FRMD4B: variants seen among roughly 807,000 people sequenced by gnomAD.
The protein encoded by FRMD4B is FERM domain-containing protein 4B.
FRMD4B carries 74 observed loss-of-function variants against 141.5 expected under a neutral mutation model. The ratio of observed to expected loss-of-function variants is 0.52; its 90% CI spans 0.43 to 0.63. The LOEUF (loss-of-function observed/expected upper bound fraction) is 0.63, where lower values mean the gene tolerates loss of function less well. FRMD4B is among the 30% of genes least tolerant of loss of function. The pLI is 0.00. For synonymous variants in FRMD4B, 506 were observed against 467.9 expected (o/e 1.08, Z -1.05); for missense variants, 1,366 against 1,253.4 (o/e 1.09, Z -1.36).
chr3:69,488,059 CAAAAGAAAGAAAG>C (rs925798613), intron 1 of FRMD4B, among the ~76,000 whole-genome samples: 6 of 117,530 alleles, frequency 5.1e-5, no homozygotes, highest in Admixed American at 8.3e-5. Context: ...AAAGAAAGAA[CAAAAGAAAGAAAG>C]AAAAGAAAGA....
chr3:69,425,972 A>C (rs921535212), intron 2 of FRMD4B, among the ~76,000 whole-genome samples: 2 of 152,246 alleles, frequency 1.3e-5, no homozygotes, highest in African/African-American at 4.8e-5. Context: ...AATTAGTTTC[A>C]AAGTCTACCA....
intron 2 of FRMD4B, among the ~76,000 whole-genome samples, chr3:69,397,270 A>G (rs11928996): frequency 0.036 from 5,478 of 152,300 alleles, 336 homozygotes; most frequent in African/African-American, 0.12. Context: ...AAAAGGCCAC[A>G]TATCCACAGA....
intron 1 of FRMD4B, among the ~76,000 whole-genome samples, chr3:69,326,315 T>C (rs1702190413): frequency 6.6e-6 from 1 of 152,128 alleles, no homozygotes; most frequent in African/African-American, 2.4e-5. Context: ...AACCCGCCAG[T>C]TAAACCCTGG....
At chr3:69,245,384 G>C (rs545994085) in intron 7 of FRMD4B, among the ~76,000 whole-genome samples, 2 of 151,638 alleles carry the variant, frequency 1.3e-5, no homozygotes, top group East Asian at 3.9e-4. Context: ...CTGTTGCCCA[G>C]GCTGGAGTGC....
At chr3:69,293,774 A>C (rs1700951461) in intron 4 of FRMD4B, among the ~76,000 whole-genome samples, 1 of 149,602 alleles carries the variant, frequency 6.7e-6, no homozygotes, top group African/African-American at 2.5e-5. Flanking sequence ...CTAGCTACTC[A>C]GGAGGCTGAG....
At chr3:69,280,490 C>T (rs1185442828) in intron 5 of FRMD4B, among the ~76,000 whole-genome samples, 3 of 152,080 alleles carry the variant, frequency 2.0e-5, no homozygotes, top group Non-Finnish European at 4.4e-5. Context: ...GTCATCTGGC[C>T]CCTAATGTAC....
intron 1 of FRMD4B, among the ~76,000 whole-genome samples, chr3:69,496,765 A>G (rs1427038819): frequency 6.6e-6 from 1 of 152,066 alleles, no homozygotes; most frequent in Non-Finnish European, 1.5e-5. Context: ...TCAAGCCAAT[A>G]AAGTCCACCT....
intron 1 of FRMD4B, among the ~76,000 whole-genome samples, chr3:69,485,284 C>G (rs1471664866): frequency 1.3e-5 from 2 of 152,232 alleles, no homozygotes; most frequent in Non-Finnish European, 2.9e-5. Context: ...GCAGCTGGAA[C>G]AGGCACCGCA....
At chr3:69,283,944 C>T (rs1467086555) in intron 5 of FRMD4B, among the ~76,000 whole-genome samples, 1 of 144,972 alleles carries the variant, frequency 6.9e-6, no homozygotes, top group Non-Finnish European at 1.5e-5. Context: ...TGAATTTATC[C>T]TCTTAACTGA....
chr3:69,300,678 A>G (rs1252341259), intron 4 of FRMD4B, among the ~76,000 whole-genome samples: 3 of 152,220 alleles, frequency 2.0e-5, no homozygotes, highest in African/African-American at 7.2e-5. Context: ...TAAACACTAC[A>G]CCACATGCAC....
intron 5 of FRMD4B, among the ~76,000 whole-genome samples, chr3:69,278,077 AAC>A (rs1161754972): frequency 2.6e-5 from 4 of 151,712 alleles, no homozygotes; most frequent in Non-Finnish European, 5.9e-5. Flanking sequence ...GCTGGTCTCG[AAC>A]TCCTGTCCTT....
chr3:69,232,252 A>G lies in FRMD4B; in HGVS notation c.582-7562T>C, dbSNP rs2093313004. Among the ~76,000 whole-genome samples, 4 of 152,052 alleles carry G rather than the reference A, an allele frequency of 2.6e-5. No individual in the cohort carries two copies. In the South Asian group the frequency reaches 8.3e-4, roughly 31 times the overall value. On this transcript the variant is annotated intron_variant, in intron 7 of 22. Transcript: ENST00000398540. Reference sequence around the variant, plus strand: ...TGAGGGACTGGTTTCTCCGGGTCCTAGCCAGAGAGAATGCCCATAAATCTA... The same window carrying G: ...TGAGGGACTGGTTTCTCCGGGTCCTGGCCAGAGAGAATGCCCATAAATCTA...
At chr3:69,421,249 G>A (rs1704974039) in intron 2 of FRMD4B, among the ~76,000 whole-genome samples, 1 of 152,236 alleles carries the variant, frequency 6.6e-6, no homozygotes, top group Admixed American at 6.5e-5. Flanking sequence ...GAATTCTGGT[G>A]CCAGCTCTAG....
chr3:69,182,866 A>G (rs1408456152), intron 19 of FRMD4B, 149 bp from the exon 20 acceptor site: 1 of 715,698 alleles, frequency 1.4e-6, no homozygotes, highest in Admixed American at 3.3e-5. Flanking sequence ...GGTTCACTAA[A>G]CCACAAAGAA....
rs544156924 is a variant in FRMD4B at position 69,282,492 on chromosome 3, T to C, written c.501+5260A>G. On this transcript the variant is annotated intron_variant, in intron 5 of 22. Transcript: ENST00000398540. ...ACTATGTTCTCATAAAACTTATTTG[T>C]CTCTGTGGCCATGGTTCAGCTGATA... Among the ~76,000 whole-genome samples the C allele has an allele frequency of 2.3e-3, 344 of 152,336 alleles. 2 individuals are homozygous for C. The highest frequency in any genetic ancestry group is 7.9e-3 in the African/African-American group (328 of 41,578).
intron 7 of FRMD4B, among the ~76,000 whole-genome samples, chr3:69,226,130 C>G (rs1291122036): frequency 6.6e-6 from 1 of 152,190 alleles, no homozygotes; most frequent in Non-Finnish European, 1.5e-5. Flanking sequence ...TATTACATTT[C>G]AAAGCCAGGG....
chr3:69,237,579 T>G (rs1467179180), intron 7 of FRMD4B, among the ~76,000 whole-genome samples: 2 of 152,108 alleles, frequency 1.3e-5, no homozygotes, highest in African/African-American at 2.4e-5. Flanking sequence ...GGTTTAGGTG[T>G]GAGCATGCAT....
chr3:69,207,910 G>C (rs534959887), intron 11 of FRMD4B, among the ~76,000 whole-genome samples: 1 of 151,976 alleles, frequency 6.6e-6, no homozygotes, highest in East Asian at 2.0e-4. Flanking sequence ...ACGGAACTCC[G>C]TAAGCTCCAG....
chr3:69,475,633 T>C (rs1383586249), intron 1 of FRMD4B, among the ~76,000 whole-genome samples: 1 of 152,174 alleles, frequency 6.6e-6, no homozygotes, highest in African/African-American at 2.4e-5. Context: ...TGGTTCCAAG[T>C]CTTTGCTATT....
Sources: gnomAD v4.1 joint callset for allele counts (sites outside exome capture counted in the v4.1 genomes callset) on GRCh38, gnomAD v4.1.1 for gene constraint, MANE v1.5 for transcripts, NCBI Gene and HGNC (gene_info 2026-07-23, HGNC 2026-07-21) for gene names.